Variants in CFAP20DC observed in about 807,000 individuals in gnomAD.
CFAP20DC encodes the protein CFAP20 domain containing.
In CFAP20DC, 84 loss-of-function variants were observed where a neutral mutation model predicts 101.7. That is an observed-to-expected ratio of 0.83 (90% CI 0.69 to 0.99). The LOEUF (loss-of-function observed/expected upper bound fraction) is 0.99, where lower values mean the gene tolerates loss of function less well. CFAP20DC is among the 50% of genes least tolerant of loss of function. The pLI is 0.00. For synonymous variants in CFAP20DC, 359 were observed against 351.2 expected, an observed-to-expected ratio of 1.02 and a Z score of -0.25; for missense variants, 1,007 against 970.3, an observed-to-expected ratio of 1.04 and a Z score of -0.50.
chr3:58,872,259 T>C (rs925935537), intron 7 of CFAP20DC, among the ~76,000 whole-genome samples: 2 of 152,290 alleles, frequency 1.3e-5, no homozygotes, highest in African/African-American at 4.8e-5. Flanking sequence ...ACTGGCCACT[T>C]CCTGCCTGAC....
chr3:59,044,935 C>T (rs1400541477), intron 3 of CFAP20DC, among the ~76,000 whole-genome samples: 1 of 151,666 alleles, frequency 6.6e-6, no homozygotes, highest in Non-Finnish European at 1.5e-5. Flanking sequence ...TCTTAGTTCA[C>T]CTCATTTATA....
At chr3:58,981,738 T>TA in intron 4 of CFAP20DC, among the ~76,000 whole-genome samples, 1 of 152,274 alleles carries the variant, frequency 6.6e-6, no homozygotes, top group Middle Eastern at 3.4e-3. Context: ...ATGTTAGACC[T>TA]AAAACCATAA....
At chr3:58,849,583 A>T (rs2078038336) in intron 12 of CFAP20DC, among the ~76,000 whole-genome samples, 174 bp from the exon 13 acceptor site, 1 of 152,206 alleles carries the variant, frequency 6.6e-6, no homozygotes, top group Non-Finnish European at 1.5e-5. Flanking sequence ...TAGCAATGCA[A>T]ACAGTTATAA....
intron 7 of CFAP20DC, among the ~76,000 whole-genome samples, chr3:58,875,097 A>G (rs2080629010): frequency 6.6e-6 from 1 of 152,202 alleles, no homozygotes; most frequent in African/African-American, 2.4e-5. Flanking sequence ...GAGAGAAGGG[A>G]TAACAATGAA....
chr3:58,860,871 T>C (rs1308874289), intron 12 of CFAP20DC, among the ~76,000 whole-genome samples: 1 of 152,180 alleles, frequency 6.6e-6, no homozygotes, highest in Non-Finnish European at 1.5e-5. Flanking sequence ...TATAGCTCAC[T>C]AGGAAATATT....
chr3:58,806,469 A>C lies in CFAP20DC; in HGVS notation c.2176-13T>G. ...CCTGGTTGACAGGCTGGAAAAGACA[A>C]AACATTTGTGAATGTTTAATCAGCA... On this transcript the variant is annotated splice_polypyrimidine_tract_variant and intron_variant, in intron 14 of 16. Transcript: ENST00000482387. 6.2e-7 allele frequency: 1 copy of C among 1,603,058 alleles called. No homozygotes were observed. The highest frequency in any genetic ancestry group is 8.5e-7 in the Non-Finnish European group (1 of 1,169,888).
intron 4 of CFAP20DC, among the ~76,000 whole-genome samples, chr3:58,972,884 G>A (rs771560435): frequency 6.6e-6 from 1 of 152,068 alleles, no homozygotes; most frequent in Non-Finnish European, 1.5e-5. Context: ...TAGATATCAC[G>A]TTCATTTTAT....
At chr3:59,048,166 G>A (rs2109332863) in intron 1 of CFAP20DC, among the ~76,000 whole-genome samples, 1 of 152,236 alleles carries the variant, frequency 6.6e-6, no homozygotes, top group South Asian at 2.1e-4. Context: ...TATCTCTAAG[G>A]AAGAATTTAT....
chr3:58,732,007 C>T lies in CFAP20DC; in HGVS notation c.198-14379G>A, dbSNP rs1365273552. Reference sequence around the variant, plus strand: ...TCTTAATTTGTAAAGTAGATGAACACAGTTGCGAGGATTAAATGAGAAAAT... The same window carrying T: ...TCTTAATTTGTAAAGTAGATGAACATAGTTGCGAGGATTAAATGAGAAAAT... On this transcript the variant is annotated intron_variant, in intron 3 of 3. Transcript: ENST00000486145. The surrounding 1 kb of genome is among the most constrained non-coding windows in gnomAD (Gnocchi z 5.4). Among the ~76,000 whole-genome samples the T allele has an allele frequency of 6.6e-6, 1 of 152,152 alleles. No individual in the cohort carries two copies. The highest frequency in any genetic ancestry group is 1.5e-5 in the Non-Finnish European group (1 of 68,022).
rs1042628122 is a variant in CFAP20DC, at chr3:58,795,686, G to C, written c.2237+10709C>G. Among the ~76,000 whole-genome samples the C allele has an allele frequency of 6.6e-6, 1 of 152,202 alleles. No homozygotes were observed. Among genetic ancestry groups the C allele is most frequent in the Non-Finnish European group, 1.5e-5 (1 of 68,028 alleles). On this transcript the variant is annotated intron_variant, in intron 15 of 16. Transcript: ENST00000482387. The surrounding 1 kb of genome is among the most constrained non-coding windows in gnomAD (Gnocchi z 4.2). ...GAAAGCCAAGATTCTTCAGGTATCT[G>C]TCTTTTCAGACACAGAAGCCTTTGG...
chr3:58,966,318 T>C (rs1035014744), intron 4 of CFAP20DC, among the ~76,000 whole-genome samples: 1 of 152,176 alleles, frequency 6.6e-6, no homozygotes, highest in East Asian at 1.9e-4. Context: ...TGTCCTTATT[T>C]GACCCTGTAA....
chr3:58,746,572 T>G (rs181504194), intron 16 of CFAP20DC, among the ~76,000 whole-genome samples: 5 of 152,188 alleles, frequency 3.3e-5, no homozygotes, highest in African/African-American at 4.8e-5. Flanking sequence ...AATTCATTAG[T>G]AGAGGTTTTG....
chr3:58,807,978 A>C (rs2074250695), intron 14 of CFAP20DC, among the ~76,000 whole-genome samples: 1 of 152,238 alleles, frequency 6.6e-6, no homozygotes, highest in Non-Finnish European at 1.5e-5. Context: ...TGGAAGATGA[A>C]ATGAATGAAA....
At chr3:58,862,604 T>C in intron 12 of CFAP20DC, 1 of 985,438 alleles carries the variant, frequency 1.0e-6, no homozygotes, top group Non-Finnish European at 1.2e-6. Context: ...TATTCTCAAC[T>C]GCCTCCGAAG....
rs1057170433 is a variant in CFAP20DC, at chr3:58,752,624, C to T, written c.2332+1145G>A. Among the ~76,000 whole-genome samples, 5 of 152,188 alleles carry T rather than the reference C, an allele frequency of 3.3e-5. No individual in the cohort carries two copies. In the East Asian group the frequency reaches 7.7e-4, roughly 24 times the overall value. On this transcript the variant is annotated intron_variant, in intron 16 of 16. Coordinates refer to ENST00000482387, the MANE Select transcript of CFAP20DC (RefSeq NM_001394063.1). ...CACAGCAAGGTCTCCTCCTGACAGC[C>T]AAGATTCTATTTTTCTGTCATAAGT...
chr3:58,973,828 T>C (rs2092103173), intron 4 of CFAP20DC, among the ~76,000 whole-genome samples: 1 of 152,102 alleles, frequency 6.6e-6, no homozygotes. Context: ...GGGAAGGAAC[T>C]AGAGTCAGAG....
intron 4 of CFAP20DC, among the ~76,000 whole-genome samples, chr3:58,990,303 T>TA (rs1328783382): frequency 6.6e-6 from 1 of 152,218 alleles, no homozygotes; most frequent in Admixed American, 6.5e-5. Flanking sequence ...AGAGCTGGAA[T>TA]TCTTTGTTTA....
chr3:58,934,450 C>G (rs1252451263), intron 5 of CFAP20DC, among the ~76,000 whole-genome samples: 1 of 152,142 alleles, frequency 6.6e-6, no homozygotes, highest in Non-Finnish European at 1.5e-5. Flanking sequence ...GATACCAAAG[C>G]TGGGCAGAGA....
At chr3:58,748,854 C>T (rs2068377384) in intron 16 of CFAP20DC, among the ~76,000 whole-genome samples, 6 of 152,178 alleles carry the variant, frequency 3.9e-5, no homozygotes. Context: ...TCAGACAGGT[C>T]TGGGTCAGTG....
Sources: gnomAD v4.1 joint callset for allele counts (sites outside exome capture counted in the v4.1 genomes callset) on GRCh38, gnomAD v4.1.1 for gene constraint, Gnocchi (gnomAD v3.1) non-coding constraint, MANE v1.5 for transcripts, NCBI Gene and HGNC (gene_info 2026-07-23, HGNC 2026-07-21) for gene names.